The following TSPAN11 variants were observed in gnomAD, a reference collection of about 807,000 sequenced individuals.
TSPAN11 encodes the protein tetraspanin 11.
TSPAN11 carries 29 observed loss-of-function variants against 32.9 expected under a neutral mutation model. The observed-to-expected ratio is 0.88, with a 90% CI of 0.66 to 1.20. The LOEUF (loss-of-function observed/expected upper bound fraction) is 1.20, where lower values mean the gene tolerates loss of function less well. Among genes scored for constraint, TSPAN11 ranks in the 50% most tolerant of loss-of-function variants. The probability of loss-of-function intolerance (pLI) is 0.00; values close to 1 mark genes in which losing one functional copy is unlikely to be tolerated. For missense variants in TSPAN11, 283 were observed against 329.1 expected (o/e 0.86, Z 1.08); for synonymous variants, 140 against 141.3 (o/e 0.99, Z 0.07).
At chr12:30,983,039 C>A (rs767984848) in intron 6 of TSPAN11, 25 bp from the exon 7 acceptor site, 8 of 1,607,254 alleles carry the variant, frequency 5.0e-6, no homozygotes, top group Non-Finnish European at 6.8e-6. Context: ...GGGCCATGGC[C>A]GCATCACCTG....
chr12:30,977,180 G>A (rs1938991182), intron 3 of TSPAN11, among the ~76,000 whole-genome samples: 1 of 152,156 alleles, frequency 6.6e-6, no homozygotes, highest in Non-Finnish European at 1.5e-5. Context: ...CTTAATCCCT[G>A]CCCATGCCAG....
intron 2 of TSPAN11, among the ~76,000 whole-genome samples, chr12:30,958,230 G>A (rs948191434): frequency 6.6e-6 from 1 of 152,098 alleles, no homozygotes; most frequent in African/African-American, 2.4e-5. Context: ...AGCAGAGGAG[G>A]TAGTGTTCTG....
the TSPAN11 span, among the ~76,000 whole-genome samples, chr12:31,002,343 C>A: frequency 6.6e-6 from 1 of 152,196 alleles, no homozygotes; most frequent in East Asian, 1.9e-4. This position sits in a 1 kb window ranked among gnomAD's most constrained non-coding sequence, Gnocchi z 4.8. Context: ...TGCTGTCAGA[C>A]CCACATGCAC....
chr12:30,986,942 C>T (rs891805980), intron 7 of TSPAN11: 7 of 152,206 alleles, frequency 4.6e-5, no homozygotes, highest in African/African-American at 1.7e-4. Context: ...TCTTGGTGAT[C>T]TCAACGAAGA....
chr12:31,004,426 C>T, the TSPAN11 span, among the ~76,000 whole-genome samples: 15 of 152,224 alleles, frequency 9.9e-5, no homozygotes, highest in East Asian at 2.7e-3. Flanking sequence ...CTGCTGATGT[C>T]GATGAACCCT....
downstream of TSPAN11, among the ~76,000 whole-genome samples, chr12:30,998,280 C>T (rs1939443480): frequency 6.6e-6 from 1 of 152,250 alleles, no homozygotes; most frequent in Non-Finnish European, 1.5e-5. Flanking sequence ...ATTGCTGAAG[C>T]TGTGCCTTTG....
chr12:30,986,423 C>T (rs759494501), intron 7 of TSPAN11, among the ~76,000 whole-genome samples: 20 of 152,296 alleles, frequency 1.3e-4, no homozygotes, highest in Non-Finnish European at 2.1e-4. Context: ...GGAAATATCA[C>T]GTAGGAGCCC....
chr12:30,934,056 T>C (rs957127201), intron 1 of TSPAN11, among the ~76,000 whole-genome samples: 1 of 152,228 alleles, frequency 6.6e-6, no homozygotes, highest in African/African-American at 2.4e-5. Flanking sequence ...TCATCCACTT[T>C]GGCCCGGCTC....
Position 30,993,466 on chromosome 12 carries a change from C to G in TSPAN11, c.*1551C>G, listed in dbSNP as rs956192607. 1 of 152,310 alleles carries G rather than the reference C, an allele frequency of 6.6e-6. No homozygotes were observed. Among genetic ancestry groups the G allele is most frequent in the Non-Finnish European group, 1.5e-5 (1 of 68,096 alleles). 9.4% of individuals were successfully genotyped at this position (152,310 alleles called of 1,614,324 possible). A position where few individuals can be genotyped will look rare whatever the true frequency, so the allele number is the denominator to read the frequency against. ...TCAGCACAGGAAGTACCCACATGGACAGAGGGAAGCCCAGCCTCGGGGCCG... is the reference window on the plus strand; with the variant it reads ...TCAGCACAGGAAGTACCCACATGGAGAGAGGGAAGCCCAGCCTCGGGGCCG... On this transcript the variant is annotated 3_prime_UTR_variant, in exon 8 of 8. Transcript: ENST00000546076.
chr12:30,946,692 CAG>C (rs1392242651), intron 1 of TSPAN11, among the ~76,000 whole-genome samples: 1 of 152,234 alleles, frequency 6.6e-6, no homozygotes, highest in East Asian at 1.9e-4. Flanking sequence ...TTCAGACAGG[CAG>C]AGAGGAGCAG....
the TSPAN11 span, chr12:31,012,701 G>A: frequency 6.6e-6 from 1 of 152,190 alleles, no homozygotes; most frequent in East Asian, 1.9e-4. Context: ...CTTCTATCCT[G>A]TCAGATAACC....
intron 1 of TSPAN11, among the ~76,000 whole-genome samples, chr12:30,948,419 A>G (rs1035514445): frequency 2.0e-5 from 3 of 152,216 alleles, no homozygotes; most frequent in African/African-American, 7.2e-5. Context: ...TTGCCTGGGC[A>G]TCCAGGTGTT....
intron 1 of TSPAN11, among the ~76,000 whole-genome samples, chr12:30,950,256 G>A (rs1938356151): frequency 6.6e-6 from 1 of 152,162 alleles, no homozygotes. Context: ...CTCATACTCT[G>A]TACCAGTGGC....
intron 7 of TSPAN11, among the ~76,000 whole-genome samples, chr12:30,984,719 G>A (rs535974989): frequency 4.0e-5 from 6 of 151,876 alleles, no homozygotes; most frequent in South Asian, 2.1e-4. Context: ...CCACCACGCC[G>A]CCTAGTTTTG....
intron 2 of TSPAN11, among the ~76,000 whole-genome samples, chr12:30,961,678 T>A (rs942597832): frequency 1.3e-5 from 2 of 151,870 alleles, no homozygotes; most frequent in Non-Finnish European, 2.9e-5. Flanking sequence ...GGAAAAGTAA[T>A]CAAAGGGGTT....
At chr12:31,008,390 C>T in the TSPAN11 span, among the ~76,000 whole-genome samples, 1 of 152,256 alleles carries the variant, frequency 6.6e-6, no homozygotes, top group African/African-American at 2.4e-5. Flanking sequence ...GAGCCCTCTT[C>T]CCTGTCCTTC....
chr12:30,951,393 G>C (rs1175487511), intron 1 of TSPAN11, among the ~76,000 whole-genome samples: 1 of 152,152 alleles, frequency 6.6e-6, no homozygotes, highest in African/African-American at 2.4e-5. Context: ...GCAGTCTCTG[G>C]TCGCTCCCCT....
chr12:30,947,092 G>T (rs1001550521), intron 1 of TSPAN11, among the ~76,000 whole-genome samples: 1 of 152,176 alleles, frequency 6.6e-6, no homozygotes. Flanking sequence ...AGGTCCCTCC[G>T]TTCACTGGCA....
the TSPAN11 span, chr12:31,012,521 C>G: frequency 2.0e-5 from 3 of 152,332 alleles, no homozygotes; most frequent in Non-Finnish European, 2.9e-5. Context: ...CTCAGGCCAG[C>G]ACTTCCCATG....
Sources: allele counts gnomAD v4.1 joint callset (sites outside exome capture counted in the v4.1 genomes callset), GRCh38; gene constraint gnomAD v4.1.1; non-coding constraint Gnocchi (gnomAD v3.1); transcripts MANE v1.5; gene names NCBI Gene and HGNC (gene_info 2026-07-23, HGNC 2026-07-21).